CAPN7: variants seen among roughly 807,000 people sequenced by gnomAD.
CAPN7 encodes the protein calpain-7.
CAPN7 carries 72 observed loss-of-function variants against 115.2 expected under a neutral mutation model. The ratio of observed to expected loss-of-function variants is 0.63; its 90% CI spans 0.52 to 0.76. The LOEUF is 0.76. Among genes scored for constraint, CAPN7 ranks in the 30% least tolerant of loss-of-function variants. The probability of loss-of-function intolerance (pLI) is 0.00; values close to 1 mark genes in which losing one functional copy is unlikely to be tolerated. For missense variants in CAPN7, 905 were observed against 971.5 expected (o/e 0.93, Z 0.91); for synonymous variants, 344 against 322.3 (o/e 1.07, Z -0.72).
rs934407803 is a variant in CAPN7 at position 15,206,264 on chromosome 3, G to A, written c.-232G>A. 4 of 404,500 alleles carry A rather than the reference G, an allele frequency of 9.9e-6. No homozygotes were observed. Among genetic ancestry groups the A allele is most frequent in the Admixed American group, 4.9e-5 (1 of 20,592 alleles). 25.1% of individuals were successfully genotyped at this position (404,500 alleles called of 1,614,324 possible). On this transcript the variant is annotated 5_prime_UTR_variant, in exon 1 of 21. Coordinates refer to ENST00000253693, the MANE Select transcript of CAPN7 (RefSeq NM_014296.3). ...GCGGGGCGAGGGCCGCTGGGGCCGC[G>A]AAGTGGGGCGGCCGGGTGGGCTACA...
chr3:15,246,530 G>A, intron 17 of CAPN7: 1 of 546,964 alleles, frequency 1.8e-6, no homozygotes, highest in African/African-American at 2.0e-5. Context: ...TTTGTCCTGA[G>A]GCATACAGTT....
intron 10 of CAPN7, among the ~76,000 whole-genome samples, chr3:15,233,040 C>G (rs1388610335): frequency 6.6e-6 from 1 of 152,124 alleles, no homozygotes; most frequent in Non-Finnish European, 1.5e-5. Flanking sequence ...GAGGTGTCTT[C>G]CAGTGACCTT....
chr3:15,229,219 C>G (rs563431918), intron 8 of CAPN7, among the ~76,000 whole-genome samples, 160 bp downstream of exon 8: 1 of 152,066 alleles, frequency 6.6e-6, no homozygotes, highest in Non-Finnish European at 1.5e-5. Flanking sequence ...TGGAAAGATA[C>G]GCTAAAACAG....
chr3:15,223,919 T>C (rs1694148470), intron 6 of CAPN7, among the ~76,000 whole-genome samples: 1 of 152,236 alleles, frequency 6.6e-6, no homozygotes, highest in Non-Finnish European at 1.5e-5. Context: ...CATTGTTTAC[T>C]AAGAAGACCA....
chr3:15,241,327 A>C, intron 14 of CAPN7, 126 bp from the exon 15 acceptor site: 1 of 899,726 alleles, frequency 1.1e-6, no homozygotes, highest in South Asian at 1.9e-5. Context: ...GTTATGCCAA[A>C]AAAATTTAAA....
At chr3:15,210,952 C>T (rs2044904353) in intron 1 of CAPN7, 1 of 1,148,450 alleles carries the variant, frequency 8.7e-7, no homozygotes, top group Non-Finnish European at 1.1e-6. Flanking sequence ...TCTGTCTTTG[C>T]TTTTCTAGGT....
intron 5 of CAPN7, among the ~76,000 whole-genome samples, chr3:15,223,218 A>G (rs1694106632): frequency 6.6e-6 from 1 of 152,178 alleles, no homozygotes. Context: ...GGACACTTTC[A>G]TTACCTCTTG....
At chr3:15,250,631 C>T (rs1042170695) in intron 19 of CAPN7, among the ~76,000 whole-genome samples, 42 of 152,236 alleles carry the variant, frequency 2.8e-4, no homozygotes, top group Non-Finnish European at 4.9e-4. Flanking sequence ...AAGATCGTGC[C>T]TCTGCACTCT....
chr3:15,249,316 G>A (rs1234969652), intron 19 of CAPN7, among the ~76,000 whole-genome samples: 1 of 150,466 alleles, frequency 6.6e-6, no homozygotes, highest in Non-Finnish European at 1.5e-5. Context: ...TGCCCATAGA[G>A]TTGTCATTTT....
At chr3:15,226,359 C>T (rs1232424436) in intron 6 of CAPN7, among the ~76,000 whole-genome samples, 2 of 152,160 alleles carry the variant, frequency 1.3e-5, no homozygotes, top group African/African-American at 4.8e-5. Flanking sequence ...CAGGCATGAG[C>T]CACCGCGCCT....
At chr3:15,245,443 C>A in intron 16 of CAPN7, 83 bp from the exon 17 acceptor site, 1 of 1,256,090 alleles carries the variant, frequency 8.0e-7, no homozygotes, top group South Asian at 1.5e-5. Flanking sequence ...GATGTCCATC[C>A]AAGTAATTAT....
rs868037263 is a variant in CAPN7 at position 15,206,536 on chromosome 3, C to A, written c.41C>A (p.Ala14Asp). The A allele has an allele frequency of 6.4e-7, 1 of 1,556,440 alleles. No homozygotes were observed. Among genetic ancestry groups the A allele is most frequent in the East Asian group, 2.4e-5 (1 of 41,520 alleles). ...TALERDAVQFARLAVQRDHEG... is the reference protein window; with the variant it reads ...TALERDAVQFDRLAVQRDHEG... ...CTGGAGCGGGACGCTGTGCAGTTCG[C>A]CCGTCTGGCGGTTCAGCGCGACCAC... Residue 14 changes from alanine to aspartate, a missense_variant, in exon 1 of 21, where the codon GCC becomes GAC. Ala to Asp is a moderately radical substitution (Grantham distance 126). This residue lies in a region of CAPN7 where 271 missense variants were observed against 239.6 expected (regional missense o/e 1.13). Coordinates refer to ENST00000253693, the MANE Select transcript of CAPN7 (RefSeq NM_014296.3).
intron 15 of CAPN7, among the ~76,000 whole-genome samples, chr3:15,241,957 G>T (rs80123042): frequency 0.062 from 9,425 of 152,110 alleles, 363 homozygotes; most frequent in Admixed American, 0.12. Flanking sequence ...AATAGCCTCC[G>T]AATCTTAATA....
chr3:15,243,075 G>C (rs1283310884), intron 16 of CAPN7, among the ~76,000 whole-genome samples: 1 of 152,288 alleles, frequency 6.6e-6, no homozygotes, highest in East Asian at 1.9e-4. Context: ...AGACCTCTTT[G>C]AGCAGGGATG....
Position 15,252,417 on chromosome 3 carries a change from CAG to C in CAPN7, c.*1160_*1161del, listed in dbSNP as rs1226106020. 6.6e-6 allele frequency: 1 copy of C among 152,532 alleles called. No homozygotes were observed. The highest frequency in any genetic ancestry group is 2.4e-5 in the African/African-American group (1 of 41,436). 9.4% of individuals were successfully genotyped at this position (152,532 alleles called of 1,614,324 possible). On this transcript the variant is annotated 3_prime_UTR_variant, in exon 21 of 21. Transcript: ENST00000253693. ...ACTTCAACAAAAATCTGTTCTTTAA[CAG>C]AGTAGTGGTAGATTATTACACTAAT...
intron 5 of CAPN7, among the ~76,000 whole-genome samples, chr3:15,223,157 G>T (rs1473770442): frequency 1.3e-5 from 2 of 152,010 alleles, no homozygotes; most frequent in Non-Finnish European, 2.9e-5. Flanking sequence ...TTAAGCAATT[G>T]ATTTCTCCCT....
intron 16 of CAPN7, among the ~76,000 whole-genome samples, chr3:15,243,762 A>G (rs1695493556): frequency 6.6e-6 from 1 of 152,088 alleles, no homozygotes; most frequent in Non-Finnish European, 1.5e-5. Flanking sequence ...CAAAGAAGGA[A>G]ACAACACATA....
chr3:15,239,655 AAATT>A (rs1695224609), intron 12 of CAPN7, among the ~76,000 whole-genome samples: 1 of 152,230 alleles, frequency 6.6e-6, no homozygotes, highest in African/African-American at 2.4e-5. Context: ...TAAAAGAAAG[AAATT>A]ACTAAATGCT....
At chr3:15,247,260 G>A (rs1315224074) in intron 18 of CAPN7, 67 bp from the exon 19 acceptor site, 11 of 1,069,318 alleles carry the variant, frequency 1.0e-5, no homozygotes, top group Non-Finnish European at 1.4e-5. Flanking sequence ...GAGATGGAAA[G>A]GAGTTTTGTC....
Sources: allele counts gnomAD v4.1 joint callset (sites outside exome capture counted in the v4.1 genomes callset), GRCh38; gene constraint gnomAD v4.1.1; regional missense constraint gnomAD v4.1.1; transcripts MANE v1.5; gene names NCBI Gene and HGNC (gene_info 2026-07-23, HGNC 2026-07-21).